The following PTPN14 variants were observed in gnomAD, a reference collection of about 807,000 sequenced individuals.
The protein encoded by PTPN14 is tyrosine-protein phosphatase non-receptor type 14.
In PTPN14, 53 loss-of-function variants were observed where a neutral mutation model predicts 126.8. The observed-to-expected ratio is 0.42, with a 90% CI of 0.34 to 0.53. The LOEUF is 0.53. Among genes scored for constraint, PTPN14 ranks in the 20% least tolerant of loss-of-function variants. The pLI is 0.08. For missense variants in PTPN14, 1,257 were observed against 1,552.9 expected (o/e 0.81, Z 3.20); for synonymous variants, 630 against 599.3 (o/e 1.05, Z -0.75).
chr1:214,378,026 G>C lies in PTPN14; in HGVS notation c.2621C>G (p.Ser874Trp). Residue 874 changes from serine (S) to tryptophan (W), a missense_variant, in exon 14 of 19, where the codon TCG (serine) becomes TGG (tryptophan). Ser to Trp is a radical substitution (Grantham distance 177). Around this residue, in one of 3 missense-constraint regions of PTPN14, gnomAD observed 1,021 missense variants for 1,183.3 expected, o/e 0.86. Coordinates refer to ENST00000366956, the MANE Select transcript of PTPN14 (RefSeq NM_005401.5). ...TTCCCGCCCTGAGACTCGAGCCACC[G>C]AGAGCCCATTCAATGCTGCCAACAT... ...PLMLAALNGL[S>W]VARVSGREEN... The C allele has an allele frequency of 6.2e-7, 1 of 1,612,928 alleles. No individual in the cohort carries two copies. Among genetic ancestry groups the C allele is most frequent in the Non-Finnish European group, 8.5e-7 (1 of 1,179,964 alleles).
chr1:214,490,312 C>T (rs965804705), intron 1 of PTPN14, among the ~76,000 whole-genome samples: 7 of 152,212 alleles, frequency 4.6e-5, no homozygotes, highest in African/African-American at 1.7e-4. Flanking sequence ...ATTGATACCC[C>T]AGCTGAGAAT....
intron 1 of PTPN14, among the ~76,000 whole-genome samples, chr1:214,495,937 G>A (rs1244508249): frequency 6.6e-6 from 1 of 151,912 alleles, no homozygotes; most frequent in Non-Finnish European, 1.5e-5. Context: ...CTGGTGATCC[G>A]CCCTGCCTCG....
chr1:214,429,476 A>G (rs1659748633), intron 3 of PTPN14, among the ~76,000 whole-genome samples: 2 of 152,244 alleles, frequency 1.3e-5, no homozygotes, highest in African/African-American at 4.8e-5. Flanking sequence ...TGAACTCTGT[A>G]AAAACATTGA....
chr1:214,442,396 T>C (rs1394061120), intron 3 of PTPN14, among the ~76,000 whole-genome samples: 2 of 152,242 alleles, frequency 1.3e-5, no homozygotes, highest in Admixed American at 6.5e-5. Context: ...TTAGGGATGC[T>C]CAACCTATTT....
intron 1 of PTPN14, among the ~76,000 whole-genome samples, chr1:214,501,121 A>C (rs1654683091): frequency 1.3e-5 from 2 of 152,246 alleles, no homozygotes; most frequent in African/African-American, 4.8e-5. Context: ...AATTCGTCTC[A>C]TGGAGCTGGG....
At chr1:214,512,245 C>T (rs1428518312) in intron 1 of PTPN14, among the ~76,000 whole-genome samples, 1 of 152,146 alleles carries the variant, frequency 6.6e-6, no homozygotes, top group African/African-American at 2.4e-5. Context: ...ACTTGCCAGT[C>T]TTAGCTGCTC....
At chr1:214,512,693 A>C (rs995627149) in intron 1 of PTPN14, among the ~76,000 whole-genome samples, 1 of 152,156 alleles carries the variant, frequency 6.6e-6, no homozygotes, top group African/African-American at 2.4e-5. Context: ...ATGCTAAAAA[A>C]ATACGTATTA....
intron 1 of PTPN14, among the ~76,000 whole-genome samples, chr1:214,481,903 C>T (rs1369268485): frequency 1.3e-5 from 2 of 151,320 alleles, no homozygotes; most frequent in South Asian, 2.1e-4. Flanking sequence ...AGGAGAATGG[C>T]GTGAACCCAG....
chr1:214,468,969 C>T (rs1182760573), intron 1 of PTPN14, among the ~76,000 whole-genome samples: 1 of 152,182 alleles, frequency 6.6e-6, no homozygotes, highest in Non-Finnish European at 1.5e-5. Flanking sequence ...GCTAGAAACA[C>T]ATTTTTTTCA....
chr1:214,449,964 C>T lies in PTPN14; in HGVS notation c.344+1841G>A, dbSNP rs116105548. Reference sequence around the variant, plus strand: ...TGGGAAATACAGCGAGACTTCATCTCTACAAAATTAGAAGAAAATTTAGCC... The same window carrying T: ...TGGGAAATACAGCGAGACTTCATCTTTACAAAATTAGAAGAAAATTTAGCC... On this transcript the variant is annotated intron_variant, in intron 3 of 18. Coordinates refer to ENST00000366956, the MANE Select transcript of PTPN14 (RefSeq NM_005401.5). Among the ~76,000 whole-genome samples, 311 of 151,882 alleles carry T rather than the reference C, an allele frequency of 2.0e-3. 1 individual carries two copies. Among genetic ancestry groups the T allele is most frequent in the Non-Finnish European group, 3.2e-3 (215 of 67,962 alleles).
At chr1:214,381,368 T>C (rs144702250) in intron 13 of PTPN14, among the ~76,000 whole-genome samples, 170 of 152,350 alleles carry the variant, frequency 1.1e-3, no homozygotes, top group African/African-American at 3.9e-3. Context: ...AAAATCATTT[T>C]CTACCAATAA....
At chr1:214,485,927 C>T (rs560418016) in intron 1 of PTPN14, among the ~76,000 whole-genome samples, 1 of 152,200 alleles carries the variant, frequency 6.6e-6, no homozygotes, top group East Asian at 1.9e-4. Flanking sequence ...GGGGTTTCAC[C>T]ATGTTAGCCA....
intron 1 of PTPN14, among the ~76,000 whole-genome samples, 158 bp downstream of exon 1, chr1:214,551,025 G>A (rs1281098168): frequency 2.6e-5 from 4 of 152,190 alleles, no homozygotes; most frequent in African/African-American, 9.6e-5. Flanking sequence ...CACCCCTGCG[G>A]CCCGGCCACC....
At chr1:214,437,170 A>T (rs557454679) in intron 3 of PTPN14, among the ~76,000 whole-genome samples, 1 of 152,168 alleles carries the variant, frequency 6.6e-6, no homozygotes, top group African/African-American at 2.4e-5. Flanking sequence ...AAATTATTTT[A>T]TTTTTTTCTT....
At chr1:214,522,887 T>C (rs967613071) in intron 1 of PTPN14, among the ~76,000 whole-genome samples, 2 of 152,208 alleles carry the variant, frequency 1.3e-5, no homozygotes, top group Admixed American at 1.3e-4. Context: ...ATCAATTACA[T>C]TTAAAATGCT....
chr1:214,408,489 A>C (rs982465889), intron 5 of PTPN14, among the ~76,000 whole-genome samples: 1 of 152,208 alleles, frequency 6.6e-6, no homozygotes, highest in Non-Finnish European at 1.5e-5. Context: ...TCTTTACTTC[A>C]ACCCAGGAAT....
At chr1:214,468,503 C>T (rs1185359527) in intron 1 of PTPN14, among the ~76,000 whole-genome samples, 2 of 152,132 alleles carry the variant, frequency 1.3e-5, no homozygotes, top group Non-Finnish European at 2.9e-5. Flanking sequence ...TTGCAGTGAG[C>T]TGAGATGGCA....
intron 10 of PTPN14, 99 bp downstream of exon 10, chr1:214,393,595 GA>G: frequency 1.0e-6 from 1 of 985,086 alleles, no homozygotes; most frequent in Non-Finnish European, 1.5e-6. Context: ...AAGGAACAAG[GA>G]AAAAGAGTGA....
chr1:214,520,065 A>ATATATATATAT (rs1553274992), intron 1 of PTPN14, among the ~76,000 whole-genome samples: 19 of 71,110 alleles, frequency 2.7e-4, no homozygotes, highest in African/African-American at 1.3e-3. Context: ...AAAAAAAAAA[A>ATATATATATAT]ATATATATAT....
Sources: gnomAD v4.1 joint callset for allele counts (sites outside exome capture counted in the v4.1 genomes callset) on GRCh38, gnomAD v4.1.1 for gene constraint, gnomAD v4.1.1 regional missense constraint, MANE v1.5 for transcripts, NCBI Gene and HGNC (gene_info 2026-07-23, HGNC 2026-07-21) for gene names.